Variants in MYO7B observed in about 807,000 individuals in gnomAD.
The protein encoded by MYO7B is myosin VIIB.
In MYO7B, 212 loss-of-function variants were observed where a neutral mutation model predicts 259.7. The observed-to-expected ratio is 0.82, with a 90% CI of 0.73 to 0.91. MYO7B has a LOEUF of 0.91. Ranked by LOEUF, MYO7B falls within the 40% of genes least tolerant of loss-of-function variation. The pLI, the probability that MYO7B is intolerant of heterozygous loss-of-function variation, is 0.00. For synonymous variants in MYO7B, 1,197 were observed against 1,166.4 expected (o/e 1.03, Z -0.54); for missense variants, 2,732 against 2,813.5 (o/e 0.97, Z 0.66).
intron 15 of MYO7B, among the ~76,000 whole-genome samples, chr2:127,588,795 ATGGATGGG>A (rs1679410877): frequency 2.0e-5 from 1 of 49,082 alleles, no homozygotes; most frequent in Non-Finnish European, 4.0e-5. Context: ...GGGTGGGTGG[ATGGATGGG>A]TGGGTGGATG....
At chr2:127,587,430 TC>T (rs1178950039) in intron 14 of MYO7B, among the ~76,000 whole-genome samples, 1 of 152,166 alleles carries the variant, frequency 6.6e-6, no homozygotes, top group Non-Finnish European at 1.5e-5. Flanking sequence ...AAGTCCAAGA[TC>T]AAGGTGCTGG....
chr2:127,637,109 C>T, intron 47 of MYO7B, 196 bp downstream of exon 47: 1 of 1,078,144 alleles, frequency 9.3e-7, no homozygotes, highest in Non-Finnish European at 1.4e-6. Flanking sequence ...GGCGGGACCC[C>T]CTGCGCCCTT....
chr2:127,631,648 C>A lies in MYO7B; in HGVS notation c.5144C>A (p.Thr1715Asn), dbSNP rs565030789. Reference sequence around the variant, plus strand: ...TACCCTTCTCGGCAGGCCTGGCCCACCCTGGAGCTCACCGACCAGATCTTC... The same window carrying A: ...TACCCTTCTCGGCAGGCCTGGCCCAACCTGGAGCTCACCGACCAGATCTTC... The part of the protein sequence containing the change: ...GDYPSRQAWP[T>N]LELTDQIFTL... The change falls in exon 38 of 48, where the codon ACC becomes AAC. Residue 1715 changes from threonine (T) to asparagine (N), a missense_variant. Around this residue, in one of 3 missense-constraint regions of MYO7B, gnomAD observed 821 missense variants for 769.3 expected, o/e 1.07. Transcript: ENST00000409816. 3.7e-6 allele frequency: 6 copies of A among 1,613,090 alleles called. No individual in the cohort carries two copies. The Admixed American group carries it at 1.0e-4, about 27-fold the overall frequency.
In MYO7B at chr2:127,577,898, G is replaced by A. The variant is rs1678939288; in HGVS notation, c.850-235G>A. 6.8e-6 allele frequency among the ~76,000 whole-genome samples: 1 copy of A among 147,570 alleles called. No individual in the cohort carries two copies. The highest frequency in any genetic ancestry group is 1.5e-5 in the Non-Finnish European group (1 of 68,030). On this transcript the variant is annotated intron_variant, in intron 8 of 47. Coordinates refer to ENST00000409816, the MANE Select transcript of MYO7B (RefSeq NM_001393586.1). This position sits in a 1 kb window ranked among gnomAD's most constrained non-coding sequence, Gnocchi z 5.2. ...GACGAACGACAAATAGAGGATCAGA[G>A]AAGAAGTGTGACTTGGCCAAGGTCA...
At chr2:127,541,897 G>A (rs759334793) in intron 1 of MYO7B, among the ~76,000 whole-genome samples, 2 of 152,216 alleles carry the variant, frequency 1.3e-5, no homozygotes, top group Admixed American at 6.5e-5. Flanking sequence ...CCTTGCCGTC[G>A]CTGACTGCCT....
chr2:127,610,275 T>C (rs1680331639), intron 24 of MYO7B, among the ~76,000 whole-genome samples: 1 of 152,136 alleles, frequency 6.6e-6, no homozygotes, highest in Non-Finnish European at 1.5e-5. Flanking sequence ...CTCTGAGTAT[T>C]GGGTGTGACT....
chr2:127,593,792 AC>A, intron 18 of MYO7B, 148 bp downstream of exon 18: 1 of 710,670 alleles, frequency 1.4e-6, no homozygotes, highest in Non-Finnish European at 2.4e-6. Context: ...CCCTCAGGGC[AC>A]CCCTGGATGT....
At chr2:127,545,182 C>T (rs1294960465) in intron 1 of MYO7B, among the ~76,000 whole-genome samples, 1 of 152,218 alleles carries the variant, frequency 6.6e-6, no homozygotes, top group Non-Finnish European at 1.5e-5. Context: ...CCTTGATGAA[C>T]TTTTACAAGT....
Position 127,636,623 on chromosome 2 carries a change from AC to A in MYO7B, c.6204del (p.Lys2069ArgfsTer49). The A allele has an allele frequency of 6.2e-7, 1 of 1,612,196 alleles. No homozygotes were observed. The highest frequency in any genetic ancestry group is 8.5e-7 in the Non-Finnish European group (1 of 1,179,114). The part of the protein sequence containing the change: ...RHGVLLIHPK[T>X]KDLLTTYPFT... ...TGGGGTTCTGCTCATCCACCCCAAG[AC>A]CAAGGTAGCTGCTGGGCCTCCGGAG... On this transcript the variant is annotated frameshift_variant, in exon 46 of 48. Coordinates refer to ENST00000409816, the MANE Select transcript of MYO7B (RefSeq NM_001393586.1). LOFTEE classifies it high-confidence loss of function. This position sits in a 1 kb window ranked among gnomAD's most constrained non-coding sequence, Gnocchi z 4.5.
At chr2:127,603,868 T>A (rs1355060915) in intron 19 of MYO7B, among the ~76,000 whole-genome samples, 3 of 152,220 alleles carry the variant, frequency 2.0e-5, no homozygotes, top group Admixed American at 6.5e-5. Context: ...GTGTGGTGGC[T>A]CATGCCTGTA....
intron 1 of MYO7B, among the ~76,000 whole-genome samples, chr2:127,543,336 T>A (rs1204772102): frequency 6.6e-6 from 1 of 151,900 alleles, no homozygotes; most frequent in African/African-American, 2.4e-5. Flanking sequence ...TTTTTTTTTT[T>A]AACAAAGCAC....
rs760583975 is a variant in MYO7B at position 127,627,321 on chromosome 2, T to C, written c.4460+11T>C. On this transcript the variant is annotated intron_variant, in intron 33 of 47. Transcript: ENST00000409816. This position sits in a 1 kb window ranked among gnomAD's most constrained non-coding sequence, Gnocchi z 5.6. Reference sequence around the variant, plus strand: ...TCTGGCCACCAACAGGTGCGGGCCCTGAGGGAAGATCTCTTCTTACACACT... The same window carrying C: ...TCTGGCCACCAACAGGTGCGGGCCCCGAGGGAAGATCTCTTCTTACACACT... The C allele has an allele frequency of 1.2e-6, 2 of 1,608,334 alleles. No individual in the cohort carries two copies. Among genetic ancestry groups the C allele is most frequent in the South Asian group, 1.1e-5 (1 of 90,858 alleles).
intron 4 of MYO7B, among the ~76,000 whole-genome samples, chr2:127,565,591 G>A (rs777909729): frequency 3.3e-5 from 5 of 152,262 alleles, no homozygotes; most frequent in South Asian, 2.1e-4. Context: ...AAGCCAATGC[G>A]TAGAGTGACA....
At chr2:127,623,695 C>T (rs1280791068) in intron 29 of MYO7B, among the ~76,000 whole-genome samples, 2 of 152,206 alleles carry the variant, frequency 1.3e-5, no homozygotes, top group African/African-American at 4.8e-5. Context: ...CAAACTCCCT[C>T]ATGCCCAGGA....
rs1405957209 is a variant in MYO7B at position 127,610,065 on chromosome 2, C to T, written c.3192+49C>T. ...AGAGGAGGGCGACACCTACCAGGTG[C>T]CTACCAGGGCCCAGTCCCTGGGGCA... On this transcript the variant is annotated intron_variant, in intron 24 of 47. Transcript: ENST00000409816. 2.5e-6 allele frequency: 4 copies of T among 1,586,560 alleles called. No individual in the cohort carries two copies. The South Asian group carries it at 3.4e-5, about 13-fold the overall frequency.
chr2:127,538,748 A>G (rs1217127677), intron 1 of MYO7B, among the ~76,000 whole-genome samples: 2 of 151,748 alleles, frequency 1.3e-5, no homozygotes, highest in Non-Finnish European at 2.9e-5. Flanking sequence ...GTATTTTTGT[A>G]GAGATGGGGT....
intron 1 of MYO7B, among the ~76,000 whole-genome samples, chr2:127,537,038 A>G (rs1692809318): frequency 6.6e-6 from 1 of 152,238 alleles, no homozygotes. Flanking sequence ...TAAAAAATTT[A>G]TCTTAAAGAT....
chr2:127,618,278 G>A (rs1680664106), intron 26 of MYO7B, among the ~76,000 whole-genome samples: 2 of 152,152 alleles, frequency 1.3e-5, no homozygotes, highest in South Asian at 2.1e-4. Flanking sequence ...ACGTAGAAAT[G>A]AAAACTTAAA....
At chr2:127,592,356 C>A (rs373722005) in intron 16 of MYO7B, among the ~76,000 whole-genome samples, 5 of 152,194 alleles carry the variant, frequency 3.3e-5, no homozygotes, top group Admixed American at 1.3e-4. Context: ...GATCGTGCCA[C>A]TGCACTCCAG....
Sources: gnomAD v4.1 joint callset for allele counts (sites outside exome capture counted in the v4.1 genomes callset) on GRCh38, gnomAD v4.1.1 for gene constraint, gnomAD v4.1.1 regional missense constraint, Gnocchi (gnomAD v3.1) non-coding constraint, MANE v1.5 for transcripts, NCBI Gene and HGNC (gene_info 2026-07-23, HGNC 2026-07-21) for gene names.